ELOVL5: variants seen among roughly 807,000 people sequenced by gnomAD.
The protein encoded by ELOVL5 is very long chain fatty acid elongase 5.
Under a neutral mutation model 38.6 loss-of-function variants are expected in ELOVL5, and 8 were observed. The ratio of observed to expected loss-of-function variants is 0.21; its 90% CI spans 0.12 to 0.37. The LOEUF (loss-of-function observed/expected upper bound fraction) is 0.37. Among genes scored for constraint, ELOVL5 ranks in the 10% least tolerant of loss-of-function variants. ELOVL5 has a pLI of 1.00. For missense variants in ELOVL5, 280 were observed against 367.8 expected, an observed-to-expected ratio of 0.76 and a Z score of 1.95; for synonymous variants, 127 against 133.7, an observed-to-expected ratio of 0.95 and a Z score of 0.34.
chr6:53,301,939 G>A (rs1346898188), intron 1 of ELOVL5, among the ~76,000 whole-genome samples: 1 of 152,138 alleles, frequency 6.6e-6, no homozygotes, highest in Non-Finnish European at 1.5e-5. Flanking sequence ...AGATACAGCT[G>A]AAAGGAGCAA....
chr6:53,328,365 C>T (rs184363314), intron 1 of ELOVL5, among the ~76,000 whole-genome samples: 403 of 152,050 alleles, frequency 2.7e-3, no homozygotes, highest in African/African-American at 9.6e-3. Context: ...TGTACTGGTA[C>T]CTGATTCAGG....
intron 1 of ELOVL5, among the ~76,000 whole-genome samples, chr6:53,339,596 A>C (rs1415665239): frequency 4.6e-5 from 7 of 152,230 alleles, no homozygotes; most frequent in African/African-American, 1.2e-4. Context: ...ATTATAATGG[A>C]GCTGAAAAAC....
intron 1 of ELOVL5, among the ~76,000 whole-genome samples, chr6:53,326,398 A>G (rs1437644355): frequency 6.6e-6 from 1 of 152,070 alleles, no homozygotes; most frequent in East Asian, 1.9e-4. Context: ...CTTGGCTTAG[A>G]GGCCCTTTCA....
intron 2 of ELOVL5, 124 bp downstream of exon 2, chr6:53,295,518 T>TA: frequency 1.4e-6 from 1 of 694,344 alleles, no homozygotes; most frequent in Middle Eastern, 2.4e-4. Flanking sequence ...TTATCCAGGA[T>TA]AAAGTTTTAG....
chr6:53,267,767 G>A lies in ELOVL5; in HGVS notation c.*1360C>T, dbSNP rs966487620. On this transcript the variant is annotated 3_prime_UTR_variant, in exon 8 of 8. Transcript: ENST00000304434. ...TTATACATTGTCAATGACCTTCTAA[G>A]ATATGTCATGAGTGGTTCCAAGAAT... The A allele has an allele frequency of 6.6e-6, 1 of 152,584 alleles. No individual in the cohort carries two copies. The highest frequency in any genetic ancestry group is 1.5e-5 in the Non-Finnish European group (1 of 68,032). The allele number at this position is 152,584 out of a possible 1,614,324, so 9.5% of individuals were successfully genotyped here. A position where few individuals can be genotyped will look rare whatever the true frequency, so the allele number is the denominator to read the frequency against.
intron 1 of ELOVL5, among the ~76,000 whole-genome samples, chr6:53,337,790 G>A (rs888639221): frequency 6.6e-6 from 1 of 152,236 alleles, no homozygotes; most frequent in African/African-American, 2.4e-5. Flanking sequence ...AGTTGTCCAG[G>A]AAGGATCTGA....
intron 1 of ELOVL5, among the ~76,000 whole-genome samples, chr6:53,341,967 C>A (rs143142523): frequency 3.3e-5 from 5 of 152,144 alleles, no homozygotes; most frequent in African/African-American, 1.2e-4. Context: ...CTGAAGCCCA[C>A]GCAGCTGTTA....
intron 1 of ELOVL5, among the ~76,000 whole-genome samples, chr6:53,322,409 T>C (rs1346148508): frequency 6.6e-6 from 1 of 152,226 alleles, no homozygotes; most frequent in Admixed American, 6.5e-5. Context: ...ATGTTATTAG[T>C]ATTACTGTCA....
chr6:53,295,455 C>T (rs1388412969), intron 2 of ELOVL5, among the ~76,000 whole-genome samples, 187 bp downstream of exon 2: 3 of 152,172 alleles, frequency 2.0e-5, no homozygotes, highest in Admixed American at 6.5e-5. Context: ...TTAAAGTCAA[C>T]GGAGGACCAC....
intron 1 of ELOVL5, among the ~76,000 whole-genome samples, chr6:53,306,174 G>A (rs900741206): frequency 1.4e-5 from 2 of 143,766 alleles, no homozygotes; most frequent in Non-Finnish European, 3.0e-5. Context: ...GCTTTGGCTC[G>A]GCATGAGAGG....
In ELOVL5 at chr6:53,285,467, A is replaced by G. The variant is rs181660493; in HGVS notation, c.246+6309T>C. Among the ~76,000 whole-genome samples, 45 of 152,350 alleles carry G rather than the reference A, an allele frequency of 3.0e-4. No homozygotes were observed. The East Asian group carries it at 8.7e-3, about 29-fold the overall frequency. On this transcript the variant is annotated intron_variant, in intron 3 of 7. Coordinates refer to ENST00000304434, the MANE Select transcript of ELOVL5 (RefSeq NM_021814.5). ...TAAGGGAAGAAGTCATCTCCATAAC[A>G]CAAAAGGGCAAGGTGTAGCAGCAAG...
chr6:53,346,073 C>T (rs1051221304), intron 1 of ELOVL5, among the ~76,000 whole-genome samples: 2 of 152,100 alleles, frequency 1.3e-5, no homozygotes, highest in Non-Finnish European at 2.9e-5. Context: ...CCCCCCACCA[C>T]CCGATAGGCC....
chr6:53,306,665 C>T (rs988666541), intron 1 of ELOVL5, among the ~76,000 whole-genome samples: 2 of 152,112 alleles, frequency 1.3e-5, no homozygotes, highest in African/African-American at 4.8e-5. Context: ...AGACAAGGAC[C>T]ATTTACAACA....
intron 1 of ELOVL5, among the ~76,000 whole-genome samples, chr6:53,325,033 G>C (rs1009522342): frequency 1.3e-5 from 2 of 152,132 alleles, no homozygotes; most frequent in Non-Finnish European, 2.9e-5. Context: ...CATCTAGACC[G>C]AAACAAGGTA....
At chr6:53,332,417 T>C (rs544547333) in intron 1 of ELOVL5, among the ~76,000 whole-genome samples, 17 of 152,270 alleles carry the variant, frequency 1.1e-4, no homozygotes, top group African/African-American at 3.8e-4. Context: ...TACCAAAAAC[T>C]AAAATTTAAA....
intron 1 of ELOVL5, among the ~76,000 whole-genome samples, chr6:53,297,979 T>C (rs1354705227): frequency 6.6e-6 from 1 of 152,214 alleles, no homozygotes; most frequent in African/African-American, 2.4e-5. Context: ...GTTTTATCTA[T>C]TAAAGGCTAT....
chr6:53,332,015 C>T (rs1159399648), intron 1 of ELOVL5, among the ~76,000 whole-genome samples: 2 of 152,090 alleles, frequency 1.3e-5, no homozygotes, highest in Admixed American at 6.5e-5. Flanking sequence ...GAGAGAGATG[C>T]CAGGCTCTTT....
intron 7 of ELOVL5, 78 bp from the exon 8 acceptor site, chr6:53,269,348 T>C: frequency 8.5e-7 from 1 of 1,176,384 alleles, no homozygotes; most frequent in Non-Finnish European, 1.2e-6. Flanking sequence ...ATTGCATCCC[T>C]AACACTAGGC....
At chr6:53,323,111 C>T (rs762537389) in intron 1 of ELOVL5, among the ~76,000 whole-genome samples, 17 of 152,166 alleles carry the variant, frequency 1.1e-4, no homozygotes, top group Non-Finnish European at 2.2e-4. Context: ...ATGTTGGCTC[C>T]ACAACCTGCA....
Sources: gnomAD v4.1 joint callset for allele counts (sites outside exome capture counted in the v4.1 genomes callset) on GRCh38, gnomAD v4.1.1 for gene constraint, MANE v1.5 for transcripts, NCBI Gene and HGNC (gene_info 2026-07-23, HGNC 2026-07-21) for gene names.